The following BCKDHB variants were observed in gnomAD, a reference collection of about 807,000 sequenced individuals.
The protein encoded by BCKDHB is 2-oxoisovalerate dehydrogenase subunit beta, mitochondrial.
In BCKDHB, 41 loss-of-function variants were observed where a neutral mutation model predicts 48.5. That is an observed-to-expected ratio of 0.85 (90% CI 0.66 to 1.10). The LOEUF is 1.10. BCKDHB is among the 50% of genes least tolerant of loss of function. BCKDHB has a pLI of 0.00. For missense variants in BCKDHB, 496 were observed against 494.2 expected, an observed-to-expected ratio of 1.00 and a Z score of -0.03; for synonymous variants, 201 against 174.8, an observed-to-expected ratio of 1.15 and a Z score of -1.18.
At chr6:80,139,222 A>G (rs1351731124) in intron 3 of BCKDHB, among the ~76,000 whole-genome samples, 5 of 152,054 alleles carry the variant, frequency 3.3e-5, no homozygotes, top group African/African-American at 9.6e-5. Flanking sequence ...CAGATGAGTA[A>G]GTTGTGAAAA....
downstream of BCKDHB, among the ~76,000 whole-genome samples, chr6:80,349,345 C>A (rs139416836): frequency 2.6e-5 from 4 of 152,054 alleles, no homozygotes; most frequent in Admixed American, 2.0e-4. Context: ...GTGCCTGTTA[C>A]GGGCCGGGCA....
chr6:80,330,241 A>G (rs1378805902), intron 9 of BCKDHB, among the ~76,000 whole-genome samples: 4 of 152,210 alleles, frequency 2.6e-5, no homozygotes, highest in Non-Finnish European at 5.9e-5. Context: ...GACATGATCA[A>G]AATGGCACCA....
the BCKDHB span, among the ~76,000 whole-genome samples, chr6:80,398,243 A>G: frequency 2.0e-5 from 1 of 49,098 alleles, no homozygotes; most frequent in Non-Finnish European, 3.8e-5. Flanking sequence ...AGCTAAACTG[A>G]AGGAGATTGA....
At chr6:80,433,050 G>T in the BCKDHB span, among the ~76,000 whole-genome samples, 1 of 152,142 alleles carries the variant, frequency 6.6e-6, no homozygotes, top group Non-Finnish European at 1.5e-5. Flanking sequence ...TCTCAGAGGG[G>T]CACCTGCCAG....
intron 3 of BCKDHB, among the ~76,000 whole-genome samples, chr6:80,139,887 C>G (rs538342287): frequency 2.0e-5 from 3 of 152,254 alleles, no homozygotes; most frequent in African/African-American, 7.2e-5. Context: ...CTATAAATTA[C>G]CTTGGGCAGT....
At chr6:80,308,986 T>C (rs1220028618) in intron 9 of BCKDHB, among the ~76,000 whole-genome samples, 1 of 152,152 alleles carries the variant, frequency 6.6e-6, no homozygotes, top group East Asian at 1.9e-4. Context: ...TACTTGCTAT[T>C]ATTTGCTATA....
the BCKDHB span, among the ~76,000 whole-genome samples, chr6:80,425,307 A>G: frequency 1.3e-5 from 2 of 152,210 alleles, no homozygotes; most frequent in African/African-American, 4.8e-5. Flanking sequence ...TAATTTATCC[A>G]ATGGTTAAGT....
At chr6:80,146,424 C>T (rs1213911869) in intron 3 of BCKDHB, among the ~76,000 whole-genome samples, 2 of 152,104 alleles carry the variant, frequency 1.3e-5, no homozygotes, top group Admixed American at 6.6e-5. Context: ...AAAATGGCAA[C>T]TGAGACTTCT....
At chr6:80,391,689 A>G in the BCKDHB span, among the ~76,000 whole-genome samples, 1 of 152,186 alleles carries the variant, frequency 6.6e-6, no homozygotes, top group African/African-American at 2.4e-5. Context: ...GCATTCCTAG[A>G]TACCTAGTAC....
At position 80,198,893 on chromosome 6, in the gene BCKDHB, G is replaced by C. The variant is rs183732210; in HGVS notation, c.743-2041G>C. Among the ~76,000 whole-genome samples the C allele has an allele frequency of 6.7e-3, 1,018 of 152,244 alleles. 10 individuals carry two copies. Among genetic ancestry groups the C allele is most frequent in the Non-Finnish European group, 0.01 (714 of 68,018 alleles). ...GATTTCTGGAGTCCTTGAGAATCAG[G>C]TTTAGAGGCCATATATCTAGAAGCA... is the stretch of plus-strand genomic sequence containing the variant. On this transcript the variant is annotated intron_variant, in intron 6 of 9. Coordinates refer to ENST00000320393, the MANE Select transcript of BCKDHB (RefSeq NM_183050.4).
the BCKDHB span, among the ~76,000 whole-genome samples, chr6:80,393,443 G>A: frequency 2.6e-5 from 4 of 152,124 alleles, no homozygotes; most frequent in Non-Finnish European, 5.9e-5. Flanking sequence ...GTCTGAGAGA[G>A]CATGTGTGCC....
At chr6:80,171,502 G>C in intron 6 of BCKDHB, 112 bp downstream of exon 6, 1 of 673,102 alleles carries the variant, frequency 1.5e-6, no homozygotes, top group Non-Finnish European at 2.4e-6. Context: ...TTTCCTTGTA[G>C]AAAGAATCTT....
chr6:80,186,221 G>T (rs1773633274), intron 6 of BCKDHB, among the ~76,000 whole-genome samples: 2 of 152,124 alleles, frequency 1.3e-5, no homozygotes, highest in South Asian at 2.1e-4. Flanking sequence ...ACCATGAGGT[G>T]GGGGCAGGCC....
the BCKDHB span, among the ~76,000 whole-genome samples, chr6:80,417,400 G>A: frequency 6.6e-6 from 1 of 152,086 alleles, no homozygotes; most frequent in African/African-American, 2.4e-5. Context: ...ATGTTAGCTG[G>A]TTATTTTGCA....
At chr6:80,309,802 A>G (rs1170903568) in intron 9 of BCKDHB, among the ~76,000 whole-genome samples, 2 of 152,192 alleles carry the variant, frequency 1.3e-5, no homozygotes, top group Non-Finnish European at 1.5e-5. Context: ...TATTGGCCAC[A>G]CAGGTAATAA....
At chr6:80,297,544 G>T (rs558127104) in intron 9 of BCKDHB, among the ~76,000 whole-genome samples, 1 of 152,236 alleles carries the variant, frequency 6.6e-6, no homozygotes, top group Admixed American at 6.5e-5. Flanking sequence ...TCTCTTTAAA[G>T]CATGCCTTTT....
At chr6:80,136,906 A>G (rs1043587516) in intron 3 of BCKDHB, among the ~76,000 whole-genome samples, 6 of 152,186 alleles carry the variant, frequency 3.9e-5, no homozygotes, top group African/African-American at 1.4e-4. Context: ...TCAGTATCCC[A>G]GTGGAATACC....
intron 3 of BCKDHB, among the ~76,000 whole-genome samples, chr6:80,131,938 G>T (rs1019019754): frequency 6.6e-6 from 1 of 152,126 alleles, no homozygotes; most frequent in East Asian, 1.9e-4. Flanking sequence ...ACTGCGCCTG[G>T]CTACCAAAGA....
intron 8 of BCKDHB, among the ~76,000 whole-genome samples, chr6:80,266,279 G>A (rs906085934): frequency 6.6e-6 from 1 of 152,104 alleles, no homozygotes; most frequent in Non-Finnish European, 1.5e-5. Flanking sequence ...ATGGAAAAGA[G>A]TGAAGATACA....
Sources: gnomAD v4.1 joint callset for allele counts (sites outside exome capture counted in the v4.1 genomes callset) on GRCh38, gnomAD v4.1.1 for gene constraint, MANE v1.5 for transcripts, NCBI Gene and HGNC (gene_info 2026-07-23, HGNC 2026-07-21) for gene names.